GPHN: variants seen among roughly 807,000 people sequenced by gnomAD.
GPHN encodes gephyrin.
Under a neutral mutation model 95.5 loss-of-function variants are expected in GPHN, and 17 were observed. The observed-to-expected ratio is 0.18, with a 90% CI of 0.12 to 0.27. The LOEUF (loss-of-function observed/expected upper bound fraction) is 0.27, where lower values mean the gene tolerates loss of function less well. Ranked by LOEUF, GPHN falls within the 10% of genes least tolerant of loss-of-function variation. The pLI, the probability that GPHN is intolerant of heterozygous loss-of-function variation, is 1.00. For missense variants in GPHN, 660 were observed against 978.1 expected, an observed-to-expected ratio of 0.67 and a Z score of 4.34; for synonymous variants, 320 against 322.5, an observed-to-expected ratio of 0.99 and a Z score of 0.08.
At chr14:67,032,808 T>C (rs1051296723) in intron 10 of GPHN, among the ~76,000 whole-genome samples, 10 of 152,058 alleles carry the variant, frequency 6.6e-5, no homozygotes, top group South Asian at 4.2e-4. Context: ...TCTGTAAAGA[T>C]TGGGAGACAT....
the GPHN span, chr14:67,577,961 C>A: frequency 6.7e-7 from 1 of 1,493,966 alleles, no homozygotes; most frequent in Non-Finnish European, 9.2e-7. Context: ...ATGGCCAAGC[C>A]GTTGAGTTCT....
chr14:67,181,525 C>T lies in GPHN; in HGVS notation c.*588C>T, dbSNP rs1567461482. The stretch of plus-strand genomic sequence containing the variant: ...GCCCCAATAGCCTCACGGCACAGTA[C>T]TCTTGGGCAGTAACTGGACACCTTT... On this transcript the variant is annotated 3_prime_UTR_variant, in exon 23 of 23. Transcript: ENST00000478722. The T allele has an allele frequency of 3.9e-6, 2 of 506,862 alleles. No homozygotes were observed. The highest frequency in any genetic ancestry group is 7.7e-6 in the Non-Finnish European group (2 of 260,484). The allele number at this position is 506,862 out of a possible 1,614,324, so 31.4% of individuals were successfully genotyped here.
At chr14:66,542,859 G>A (rs144950861) in intron 1 of GPHN, among the ~76,000 whole-genome samples, 29 of 152,090 alleles carry the variant, frequency 1.9e-4, no homozygotes, top group East Asian at 7.7e-4. Context: ...GTCCATTCTC[G>A]CATTGCTATA....
chr14:66,683,369 T>TATATATGTTC (rs1555379512), intron 2 of GPHN, among the ~76,000 whole-genome samples: 34 of 32,078 alleles, frequency 1.1e-3, no homozygotes, highest in Non-Finnish European at 1.3e-3. Context: ...TATATATATA[T>TATATATGTTC]ATATATATAT....
At chr14:67,411,932 C>A in the GPHN span, 6 of 1,265,204 alleles carry the variant, frequency 4.7e-6, no homozygotes, top group South Asian at 8.2e-5. Context: ...CATGCCCGTT[C>A]CGGGGCGCGC....
At chr14:67,711,425 T>G in the GPHN span, among the ~76,000 whole-genome samples, 3 of 152,228 alleles carry the variant, frequency 2.0e-5, no homozygotes, top group East Asian at 5.8e-4. Flanking sequence ...AAAGCTAGCT[T>G]ATTTATTAAA....
chr14:67,131,763 G>A (rs571491896), intron 17 of GPHN, among the ~76,000 whole-genome samples: 17 of 152,198 alleles, frequency 1.1e-4, no homozygotes, highest in Admixed American at 9.2e-4. Flanking sequence ...TATAACAAGC[G>A]GTAATCATTA....
chr14:67,320,271 C>G, the GPHN span: 2 of 1,613,498 alleles, frequency 1.2e-6, no homozygotes, highest in Non-Finnish European at 8.5e-7. Context: ...GGAAATGTCA[C>G]TTTATCATCA....
At chr14:67,151,592 G>C (rs2081291658) in intron 18 of GPHN, among the ~76,000 whole-genome samples, 1 of 152,154 alleles carries the variant, frequency 6.6e-6, no homozygotes, top group African/African-American at 2.4e-5. Flanking sequence ...TTTTATTGCT[G>C]CTTGGAATTC....
chr14:66,682,090 T>C (rs1405993871), intron 2 of GPHN, among the ~76,000 whole-genome samples: 1 of 152,216 alleles, frequency 6.6e-6, no homozygotes, highest in Non-Finnish European at 1.5e-5. Flanking sequence ...TCTTTAATGA[T>C]TGACTAGTCA....
chr14:66,618,416 A>T lies in GPHN; in HGVS notation c.65-62691A>T, dbSNP rs139890184. On this transcript the variant is annotated intron_variant, in intron 1 of 22. Transcript: ENST00000478722. ...AATCATACATTTGTGTTGAATTTTT[A>T]AATCAAATTTATCTATTGAAAAGGT... 1.2e-3 allele frequency among the ~76,000 whole-genome samples: 190 copies of T among 152,278 alleles called. 9 individuals carry two copies. In the East Asian group the frequency reaches 0.019, roughly 15 times the overall value.
intron 1 of GPHN, among the ~76,000 whole-genome samples, chr14:66,614,600 G>A (rs1244865804): frequency 9.3e-6 from 1 of 107,564 alleles, no homozygotes; most frequent in African/African-American, 4.1e-5. Context: ...TTTGCCTATT[G>A]TGATGTCTAG....
chr14:67,073,149 A>C (rs756514136), intron 11 of GPHN, among the ~76,000 whole-genome samples: 1 of 152,292 alleles, frequency 6.6e-6, no homozygotes, highest in Admixed American at 6.5e-5. Flanking sequence ...TATTTTTAGA[A>C]TACTAAGATC....
chr14:66,864,759 C>T (rs1019900530), intron 4 of GPHN, among the ~76,000 whole-genome samples: 32 of 149,584 alleles, frequency 2.1e-4, no homozygotes, highest in African/African-American at 6.8e-4. Flanking sequence ...GGCAACAGAG[C>T]GAGACTCTGT....
At chr14:67,026,991 A>G (rs2073958828) in intron 10 of GPHN, among the ~76,000 whole-genome samples, 1 of 152,144 alleles carries the variant, frequency 6.6e-6, no homozygotes, top group South Asian at 2.1e-4. Context: ...ATTAATTTCA[A>G]TAAGGCCTTC....
Position 66,941,683 on chromosome 14 carries a change from TA to T in GPHN, c.828+17405del, listed in dbSNP as rs72495022. Among the ~76,000 whole-genome samples, 351 of 138,548 alleles carry T rather than the reference TA, an allele frequency of 2.5e-3. 3 individuals carry two copies. The highest frequency in any genetic ancestry group is 0.011 in the Middle Eastern group (3 of 270). The allele number at this position is 138,548 out of a possible 152,430, so 90.9% of individuals were successfully genotyped here. Reference sequence around the variant, plus strand: ...CACACCCTTCCAGTCAAAGCCTTGGTAAAAAAAAAAAAAACTTGTTTCTCCA... The same window carrying T: ...CACACCCTTCCAGTCAAAGCCTTGGTAAAAAAAAAAAAACTTGTTTCTCCA... On this transcript the variant is annotated intron_variant, in intron 8 of 22. Transcript: ENST00000478722.
intron 4 of GPHN, among the ~76,000 whole-genome samples, chr14:66,876,674 AC>A (rs921024051): frequency 3.1e-4 from 47 of 151,806 alleles, no homozygotes; most frequent in African/African-American, 9.7e-4. Flanking sequence ...GGACACATAC[AC>A]CCCCCCAAGA....
chr14:67,486,047 T>C, the GPHN span, among the ~76,000 whole-genome samples: 9 of 152,194 alleles, frequency 5.9e-5, no homozygotes, highest in Non-Finnish European at 1.3e-4. Flanking sequence ...ACTGCACAGA[T>C]CTGAAGCCTG....
intron 4 of GPHN, among the ~76,000 whole-genome samples, chr14:66,852,380 TGTG>T (rs2062620434): frequency 6.8e-6 from 1 of 148,036 alleles, no homozygotes; most frequent in Non-Finnish European, 1.5e-5. Flanking sequence ...GGGAAAAAAA[TGTG>T]TGTGTGTGCG....
Sources: allele counts gnomAD v4.1 joint callset (sites outside exome capture counted in the v4.1 genomes callset), GRCh38; gene constraint gnomAD v4.1.1; transcripts MANE v1.5; gene names NCBI Gene and HGNC (gene_info 2026-07-23, HGNC 2026-07-21).